AZIN2: variants seen among roughly 807,000 people sequenced by gnomAD.
AZIN2 encodes the protein ODC antizyme inhibitor-2.
In AZIN2, 28 loss-of-function variants were observed where a neutral mutation model predicts 47.8. The observed-to-expected ratio is 0.59, with a 90% CI of 0.43 to 0.80. AZIN2 has a LOEUF of 0.80. Among genes scored for constraint, AZIN2 ranks in the 30% least tolerant of loss-of-function variants. AZIN2 has a pLI of 0.00. For synonymous variants in AZIN2, 221 were observed against 239.4 expected, an observed-to-expected ratio of 0.92 and a Z score of 0.71; for missense variants, 535 against 582.5, an observed-to-expected ratio of 0.92 and a Z score of 0.84.
chr1:33,103,885 CTTT>C (rs890267074), intron 10 of AZIN2, among the ~76,000 whole-genome samples: 1 of 142,934 alleles, frequency 7.0e-6, no homozygotes, highest in Admixed American at 7.0e-5. Context: ...TTAAATAGAT[CTTT>C]TTTTTTTTTT....
chr1:33,118,310 A>G, intron 11 of AZIN2, 194 bp downstream of exon 11: 1 of 546,044 alleles, frequency 1.8e-6, no homozygotes, highest in South Asian at 3.4e-5. Flanking sequence ...AGGAGCTCAC[A>G]GCCCTGAGGG....
the AZIN2 span, among the ~76,000 whole-genome samples, chr1:33,140,711 C>T: frequency 6.6e-6 from 1 of 152,204 alleles, no homozygotes; most frequent in African/African-American, 2.4e-5. This position sits in a 1 kb window ranked among gnomAD's most constrained non-coding sequence, Gnocchi z 4.0. Flanking sequence ...GTGGCTGGTG[C>T]TAGCTCTGAA....
the AZIN2 span, among the ~76,000 whole-genome samples, chr1:33,141,705 AT>A: frequency 6.6e-6 from 1 of 152,220 alleles, no homozygotes; most frequent in Non-Finnish European, 1.5e-5. Flanking sequence ...TAATAGAAAT[AT>A]GATAGAACTG....
At chr1:33,158,087 T>A in the AZIN2 span, among the ~76,000 whole-genome samples, 5 of 152,212 alleles carry the variant, frequency 3.3e-5, no homozygotes, top group Non-Finnish European at 7.3e-5. Context: ...TCCACTGAGC[T>A]GAGTGATTGT....
At chr1:33,094,838 C>T in intron 8 of AZIN2, 125 bp downstream of exon 8, 1 of 1,016,054 alleles carries the variant, frequency 9.8e-7, no homozygotes, top group Non-Finnish European at 1.5e-6. Context: ...TGGTGCTTAC[C>T]TGGGTGATCT....
chr1:33,098,115 G>A lies in AZIN2; in HGVS notation c.965G>A (p.Gly322Asp). ...ACCATCGTGTACCACCTTGATGAGGGCGTGTATGGGATCTTCAACTCAGTC... is the reference window on the plus strand; with the variant it reads ...ACCATCGTGTACCACCTTGATGAGGACGTGTATGGGATCTTCAACTCAGTC... ...SKTIVYHLDE[G>D]VYGIFNSVLF... Residue 322 changes from glycine (G) to aspartate (D), a missense_variant, in exon 10 of 12, where the codon GGC (glycine) becomes GAC (aspartate). Around this residue, in one of 3 missense-constraint regions of AZIN2, gnomAD observed 409 missense variants for 429.0 expected, o/e 0.95. Coordinates refer to ENST00000294517, the MANE Select transcript of AZIN2 (RefSeq NM_052998.4). 1 of 1,614,086 alleles carries A rather than the reference G, an allele frequency of 6.2e-7. No homozygotes were observed.
chr1:33,083,759 A>G (rs1641551943), intron 4 of AZIN2, 195 bp from the exon 5 acceptor site: 1 of 626,256 alleles, frequency 1.6e-6, no homozygotes, highest in African/African-American at 1.8e-5. Context: ...GATTGGGGCT[A>G]GATCAGAGCC....
intron 10 of AZIN2, among the ~76,000 whole-genome samples, chr1:33,114,140 G>C (rs1456570751): frequency 8.2e-6 from 1 of 121,746 alleles, no homozygotes; most frequent in Non-Finnish European, 1.7e-5. Flanking sequence ...TTTTTTTTTT[G>C]AGATGGAGTC....
intron 8 of AZIN2, among the ~76,000 whole-genome samples, chr1:33,096,190 T>C (rs1643130713): frequency 6.6e-6 from 1 of 152,144 alleles, no homozygotes; most frequent in Admixed American, 6.6e-5. Flanking sequence ...GTATTTACTA[T>C]TCATTAAGTG....
chr1:33,158,448 G>C, the AZIN2 span: 1 of 1,127,918 alleles, frequency 8.9e-7, no homozygotes, highest in South Asian at 1.3e-5. Flanking sequence ...GCCACCTTCA[G>C]GGCAGCTGGC....
chr1:33,081,349 G>A lies in AZIN2; in HGVS notation c.-405-39G>A, dbSNP rs1470063244. 7 of 153,512 alleles carry A rather than the reference G, an allele frequency of 4.6e-5. No individual in the cohort carries two copies. In the Admixed American group the frequency reaches 4.6e-4, roughly 10 times the overall value. 9.5% of individuals were successfully genotyped at this position (153,512 alleles called of 1,614,324 possible). On this transcript the variant is annotated intron_variant, in intron 1 of 11. Transcript: ENST00000294517. The surrounding 1 kb of genome is among the most constrained non-coding windows in gnomAD (Gnocchi z 4.2). ...CGGGGAGCGGACGCCCTCCGCCCTG[G>A]TGCTGACCTGCCTCCCTGCCCCTTC...
chr1:33,159,579 G>T, the AZIN2 span: 1 of 1,411,508 alleles, frequency 7.1e-7, no homozygotes, highest in Non-Finnish European at 9.4e-7. The surrounding 1 kb of genome is among the most constrained non-coding windows in gnomAD (Gnocchi z 4.2). Context: ...ATGAAGATTT[G>T]AATGAAAGAA....
the AZIN2 span, among the ~76,000 whole-genome samples, chr1:33,154,253 G>A: frequency 4.6e-5 from 7 of 152,070 alleles, no homozygotes; most frequent in East Asian, 1.4e-3. Flanking sequence ...AGGCAAAAGT[G>A]CATCCAAGGC....
Position 33,122,496 on chromosome 1 carries a change from T to G in AZIN2, c.*2314T>G, listed in dbSNP as rs1229870965. 6.6e-6 allele frequency among the ~76,000 whole-genome samples: 1 copy of G among 152,260 alleles called. No individual in the cohort carries two copies. Among genetic ancestry groups the G allele is most frequent in the Non-Finnish European group, 1.5e-5 (1 of 68,044 alleles). On this transcript the variant is annotated 3_prime_UTR_variant, in exon 12 of 12. Coordinates refer to ENST00000294517, the MANE Select transcript of AZIN2 (RefSeq NM_052998.4). ...CCAGTTATTTGTTTTTGTTTCTTAT[T>G]TCAATCTTTTTCTAAAGAGAAGAAA... is the stretch of plus-strand genomic sequence containing the variant.
At chr1:33,115,565 G>T (rs1295112674) in intron 10 of AZIN2, among the ~76,000 whole-genome samples, 1 of 152,074 alleles carries the variant, frequency 6.6e-6, no homozygotes, top group Admixed American at 6.5e-5. Context: ...TTAGCCAGGT[G>T]TGGTGGCCGG....
At chr1:33,101,037 T>G (rs1643645442) in intron 10 of AZIN2, among the ~76,000 whole-genome samples, 1 of 151,988 alleles carries the variant, frequency 6.6e-6, no homozygotes, top group Admixed American at 6.6e-5. Context: ...AATTTTTGTA[T>G]TTTTAGTAGA....
the AZIN2 span, among the ~76,000 whole-genome samples, chr1:33,135,798 G>C: frequency 6.6e-6 from 1 of 152,188 alleles, no homozygotes; most frequent in Non-Finnish European, 1.5e-5. Context: ...GTCACCATCA[G>C]CTCTTTGATA....
intron 10 of AZIN2, among the ~76,000 whole-genome samples, chr1:33,100,855 ATC>A (rs1026238827): frequency 1.3e-5 from 2 of 150,638 alleles, no homozygotes; most frequent in African/African-American, 2.4e-5. Flanking sequence ...TTTGGTTGCC[ATC>A]TCTCTCTCTC....
At chr1:33,118,391 C>G (rs903833049) in intron 11 of AZIN2, 11 of 322,428 alleles carry the variant, frequency 3.4e-5, no homozygotes, top group Non-Finnish European at 6.2e-5. Context: ...CTCCCTGAGG[C>G]CCAGGCCTCC....
Sources: allele counts gnomAD v4.1 joint callset (sites outside exome capture counted in the v4.1 genomes callset), GRCh38; gene constraint gnomAD v4.1.1; regional missense constraint gnomAD v4.1.1; non-coding constraint Gnocchi (gnomAD v3.1); transcripts MANE v1.5; gene names NCBI Gene and HGNC (gene_info 2026-07-23, HGNC 2026-07-21).